Variants in WDPCP observed in about 807,000 individuals in gnomAD.
WDPCP encodes the protein WD repeat containing planar cell polarity effector, also known as WD repeat-containing and planar cell polarity effector protein fritz homolog.
WDPCP carries 71 observed loss-of-function variants against 93.1 expected under a neutral mutation model. That is an observed-to-expected ratio of 0.76 (90% confidence interval 0.63 to 0.93). The LOEUF is 0.93. Ranked by LOEUF, WDPCP falls within the 40% of genes least tolerant of loss-of-function variation. The pLI, the probability that WDPCP is intolerant of heterozygous loss-of-function variation, is 0.00. For synonymous variants in WDPCP, 315 were observed against 315.0 expected, an observed-to-expected ratio of 1.00 and a Z score of 0.00; for missense variants, 844 against 887.4, an observed-to-expected ratio of 0.95 and a Z score of 0.62.
intron 14 of WDPCP, among the ~76,000 whole-genome samples, chr2:63,210,370 C>A (rs532194308): frequency 2.6e-5 from 4 of 152,128 alleles, no homozygotes; most frequent in South Asian, 4.2e-4. Context: ...ATTAAAACTT[C>A]TTTGGTGTAA....
chr2:63,588,553 G>A (rs1399421025), upstream of WDPCP: 3 of 571,606 alleles, frequency 5.2e-6, no homozygotes, highest in Admixed American at 6.0e-5. Flanking sequence ...TTTACGCAGC[G>A]GAAGGTCTCT....
intron 2 of WDPCP, among the ~76,000 whole-genome samples, chr2:63,780,767 GC>G (rs1330068769): frequency 6.7e-6 from 1 of 148,456 alleles, no homozygotes; most frequent in Non-Finnish European, 1.5e-5. Flanking sequence ...TATATGCACA[GC>G]TTGGAGAACA....
At chr2:63,659,533 G>A (rs1710203796) in intron 2 of WDPCP, among the ~76,000 whole-genome samples, 1 of 152,134 alleles carries the variant, frequency 6.6e-6, no homozygotes, top group Admixed American at 6.5e-5. Context: ...GACCAGGAAG[G>A]CAGAGGTTAG....
In WDPCP at chr2:63,811,540, G is replaced by C. The variant is rs550215328; in HGVS notation, n.308+2082C>G. 2.0e-5 allele frequency among the ~76,000 whole-genome samples: 3 copies of C among 151,902 alleles called. No homozygotes were observed. The South Asian group carries it at 6.2e-4, about 32-fold the overall frequency. ...GTTTGCCAACAACCTGAGTGAACTT[G>C]GAAGCAGATTATTTCCCAGTCAAGT... is the stretch of plus-strand genomic sequence containing the variant. On this transcript the variant is annotated intron_variant and non_coding_transcript_variant, in intron 2 of 4. Transcript: ENST00000467687.
intron 14 of WDPCP, among the ~76,000 whole-genome samples, chr2:63,246,055 T>A (rs1401842384): frequency 6.6e-6 from 1 of 152,168 alleles, no homozygotes; most frequent in Non-Finnish European, 1.5e-5. Flanking sequence ...ATAATATTGA[T>A]GAAACATCAC....
At chr2:63,218,068 C>T (rs1677502060) in intron 14 of WDPCP, among the ~76,000 whole-genome samples, 2 of 152,084 alleles carry the variant, frequency 1.3e-5, no homozygotes, top group Admixed American at 1.3e-4. Flanking sequence ...AATTTGAGTA[C>T]TAATGAGAAT....
At chr2:63,650,271 C>G (rs1558875442) in intron 3 of WDPCP, among the ~76,000 whole-genome samples, 1 of 152,212 alleles carries the variant, frequency 6.6e-6, no homozygotes, top group Non-Finnish European at 1.5e-5. Flanking sequence ...GTTTATGACT[C>G]AAACTCAGGA....
At chr2:63,217,144 T>C (rs1016240823) in intron 14 of WDPCP, among the ~76,000 whole-genome samples, 2 of 152,244 alleles carry the variant, frequency 1.3e-5, no homozygotes, top group African/African-American at 2.4e-5. Context: ...TCTTTAACTT[T>C]TGAGGTAAGA....
chr2:63,372,652 A>G (rs1174077107), intron 12 of WDPCP, among the ~76,000 whole-genome samples: 1 of 152,166 alleles, frequency 6.6e-6, no homozygotes, highest in Non-Finnish European at 1.5e-5. Flanking sequence ...TAATCTATCA[A>G]TTACTAAATG....
intron 6 of WDPCP, chr2:63,440,107 T>C (rs189840603): frequency 7.5e-5 from 33 of 438,424 alleles, no homozygotes; most frequent in African/African-American, 5.1e-4. Flanking sequence ...TGCAGAAACC[T>C]AATTTAGGCC....
intron 14 of WDPCP, 79 bp downstream of exon 14, chr2:63,259,228 A>G: frequency 8.2e-7 from 1 of 1,221,444 alleles, no homozygotes; most frequent in Non-Finnish European, 1.2e-6. Flanking sequence ...TTAACCATCC[A>G]TGTCCTCCAA....
intron 10 of WDPCP, among the ~76,000 whole-genome samples, chr2:63,384,253 A>G (rs2104928985): frequency 6.6e-6 from 1 of 152,330 alleles, no homozygotes; most frequent in Non-Finnish European, 1.5e-5. Context: ...AGTAAAATTG[A>G]CAAACTTCTG....
chr2:63,638,673 T>C (rs1284091476), intron 3 of WDPCP, among the ~76,000 whole-genome samples: 1 of 151,838 alleles, frequency 6.6e-6, no homozygotes, highest in Admixed American at 6.6e-5. Context: ...CCTGTAGTCC[T>C]AGCTAATCAG....
chr2:63,792,355 A>C (rs1054653898), intron 2 of WDPCP, among the ~76,000 whole-genome samples: 7 of 152,184 alleles, frequency 4.6e-5, no homozygotes, highest in Non-Finnish European at 7.3e-5. Flanking sequence ...AGATCTCATG[A>C]GAACTCACTC....
intron 14 of WDPCP, among the ~76,000 whole-genome samples, chr2:63,190,334 G>C (rs768924182): frequency 6.6e-6 from 1 of 151,072 alleles, no homozygotes; most frequent in Non-Finnish European, 1.5e-5. Flanking sequence ...TTGGGAGGCT[G>C]AATGGGAGGA....
chr2:63,696,943 C>T (rs1447265117), intron 2 of WDPCP, among the ~76,000 whole-genome samples: 1 of 152,222 alleles, frequency 6.6e-6, no homozygotes, highest in East Asian at 1.9e-4. Context: ...CCTCCCCTAC[C>T]TGGTACATAG....
At chr2:63,690,230 G>C (rs1470301483) in intron 2 of WDPCP, among the ~76,000 whole-genome samples, 1 of 152,160 alleles carries the variant, frequency 6.6e-6, no homozygotes, top group Non-Finnish European at 1.5e-5. Flanking sequence ...GTAGATTGGA[G>C]AGAAATTATT....
intron 3 of WDPCP, among the ~76,000 whole-genome samples, chr2:63,601,977 G>A (rs1054825106): frequency 6.6e-6 from 1 of 152,112 alleles, no homozygotes; most frequent in African/African-American, 2.4e-5. Context: ...ATTGAACAGC[G>A]TGCCACTCTA....
At chr2:63,812,923 G>A (rs1170265253) in intron 2 of WDPCP, among the ~76,000 whole-genome samples, 1 of 150,980 alleles carries the variant, frequency 6.6e-6, no homozygotes, top group Non-Finnish European at 1.5e-5. Flanking sequence ...TGGTGCCCAA[G>A]CTGGAGTGCA....
Sources: gnomAD v4.1 joint callset for allele counts (sites outside exome capture counted in the v4.1 genomes callset) on GRCh38, gnomAD v4.1.1 for gene constraint, MANE v1.5 for transcripts, NCBI Gene and HGNC (gene_info 2026-07-23, HGNC 2026-07-21) for gene names.